The following LRP1B variants were observed in gnomAD, a reference collection of about 807,000 sequenced individuals.
LRP1B encodes the protein low-density lipoprotein receptor-related protein 1B.
Under a neutral mutation model 556.6 loss-of-function variants are expected in LRP1B, and 217 were observed. The observed-to-expected ratio is 0.39, with a 90% CI of 0.35 to 0.44. The LOEUF (loss-of-function observed/expected upper bound fraction) is 0.44. Among genes scored for constraint, LRP1B ranks in the 20% least tolerant of loss-of-function variants. The pLI, the probability that LRP1B is intolerant of heterozygous loss-of-function variation, is 1.00. For synonymous variants in LRP1B, 2,047 were observed against 1,865.8 expected, an observed-to-expected ratio of 1.10 and a Z score of -2.50; for missense variants, 5,053 against 5,620.8, an observed-to-expected ratio of 0.90 and a Z score of 3.23.
At chr2:141,896,407 A>C (rs192085329) in intron 1 of LRP1B, among the ~76,000 whole-genome samples, 1 of 152,188 alleles carries the variant, frequency 6.6e-6, no homozygotes, top group East Asian at 1.9e-4. Context: ...GTGACAAATG[A>C]TGCTGTTTAC....
At chr2:140,456,243 T>C (rs1687102509) in intron 62 of LRP1B, among the ~76,000 whole-genome samples, 1 of 152,158 alleles carries the variant, frequency 6.6e-6, no homozygotes, top group Admixed American at 6.6e-5. Flanking sequence ...TTTCTTTTCT[T>C]TCTCTCTCTT....
chr2:142,014,832 G>T (rs1703070183), intron 1 of LRP1B, among the ~76,000 whole-genome samples: 1 of 152,094 alleles, frequency 6.6e-6, no homozygotes, highest in African/African-American at 2.4e-5. Context: ...TAAATCAGCA[G>T]TCCCCAAAAC....
intron 31 of LRP1B, among the ~76,000 whole-genome samples, chr2:140,814,669 A>G (rs141951496): frequency 6.6e-6 from 1 of 152,300 alleles, no homozygotes; most frequent in African/African-American, 2.4e-5. Context: ...AAATCCAAAA[A>G]TGGAAGATTT....
chr2:141,668,725 T>C (rs1404098252), intron 2 of LRP1B, among the ~76,000 whole-genome samples: 1 of 152,106 alleles, frequency 6.6e-6, no homozygotes, highest in East Asian at 1.9e-4. Context: ...ATGGACAAGG[T>C]CAGGTACCAA....
intron 43 of LRP1B, among the ~76,000 whole-genome samples, chr2:140,586,042 C>T (rs1379510082): frequency 6.6e-6 from 1 of 152,116 alleles, no homozygotes; most frequent in Admixed American, 6.6e-5. Context: ...ATAGATGTTT[C>T]CCTTTTTTTC....
At chr2:140,234,593 C>T in intron 90 of LRP1B, 193 bp downstream of exon 90, 3 of 449,698 alleles carry the variant, frequency 6.7e-6, no homozygotes, top group Non-Finnish European at 7.9e-6. Flanking sequence ...AATGGCTTGC[C>T]TAAAATAATG....
At chr2:140,325,494 C>A (rs954913944) in intron 80 of LRP1B, among the ~76,000 whole-genome samples, 16 of 152,050 alleles carry the variant, frequency 1.1e-4, no homozygotes, top group Non-Finnish European at 2.1e-4. Context: ...ATGGAATAGC[C>A]ACGGAAGCCA....
At position 140,840,929 on chromosome 2, in the gene LRP1B, G is replaced by A. The variant is rs751437552; in HGVS notation, c.5103C>T (p.His1701=). Residue 1701 remains histidine (H), a synonymous_variant, in exon 30 of 91, where the codon CAC becomes CAT. Coordinates refer to ENST00000389484, the MANE Select transcript of LRP1B (RefSeq NM_018557.3). ...AAATCATACTTTACCCCCTGACTGGGTGAGCTGCAAGACACTGTGGCTTAT... is the reference window on the plus strand; with the variant it reads ...AAATCATACTTTACCCCCTGACTGGATGAGCTGCAAGACACTGTGGCTTAT... ...GIDKPQCLAA[H]PVRGKLYWTD... 3.7e-6 allele frequency: 6 copies of A among 1,603,334 alleles called. No individual in the cohort carries two copies. The South Asian group carries it at 6.8e-5, about 18-fold the overall frequency.
intron 1 of LRP1B, among the ~76,000 whole-genome samples, chr2:142,011,618 T>C (rs1002787135): frequency 3.3e-5 from 5 of 152,210 alleles, no homozygotes; most frequent in African/African-American, 9.6e-5. Flanking sequence ...CCTGATGTTG[T>C]GTTCTTAAAA....
intron 2 of LRP1B, among the ~76,000 whole-genome samples, chr2:141,490,368 C>CGTGTGTGTGTGTGTGTG (rs1491339740): frequency 2.4e-5 from 1 of 40,842 alleles, no homozygotes; most frequent in East Asian, 2.4e-3. Flanking sequence ...TTAAAATAGC[C>CGTGTGTGTGTGTGTGTG]TCGTGTGTGT....
At chr2:141,828,540 C>A (rs886431311) in intron 1 of LRP1B, among the ~76,000 whole-genome samples, 1 of 152,076 alleles carries the variant, frequency 6.6e-6, no homozygotes, top group Non-Finnish European at 1.5e-5. Context: ...TATTCTCAAG[C>A]GAGCTGACTC....
Position 140,335,646 on chromosome 2 carries a change from GTT to G in LRP1B, c.12083_12084del (p.Glu4028AlafsTer9). 6.2e-7 allele frequency: 1 copy of G among 1,611,542 alleles called. No individual in the cohort carries two copies. Among genetic ancestry groups the G allele is most frequent in the Non-Finnish European group, 8.5e-7 (1 of 1,178,094 alleles). ...CTRLLTNMAG[E>X]PYAIAVNPKR... ...TTAGGATTTACTGCAATAGCATAGG[GTT>G]CTCCAGCCATATTTGTTAAGAGTCT... On this transcript the variant is annotated frameshift_variant, in exon 78 of 91. Coordinates refer to ENST00000389484, the MANE Select transcript of LRP1B (RefSeq NM_018557.3). LOFTEE classifies it high-confidence loss of function.
intron 10 of LRP1B, 131 bp downstream of exon 10, chr2:141,054,985 A>G: frequency 3.6e-6 from 3 of 843,468 alleles, no homozygotes; most frequent in Non-Finnish European, 3.4e-6. Flanking sequence ...AAAAATGGAC[A>G]GTATATATTT....
At chr2:140,793,221 A>AT (rs1690183581) in intron 32 of LRP1B, among the ~76,000 whole-genome samples, 1 of 151,940 alleles carries the variant, frequency 6.6e-6, no homozygotes, top group South Asian at 2.1e-4. Flanking sequence ...GTATTTTGCC[A>AT]TTTTTTATAA....
At chr2:141,649,666 T>C (rs1381887819) in intron 2 of LRP1B, among the ~76,000 whole-genome samples, 8 of 152,170 alleles carry the variant, frequency 5.3e-5, no homozygotes, top group Non-Finnish European at 7.3e-5. Flanking sequence ...ATACCTCTAA[T>C]TGTGATAAGA....
At chr2:140,456,029 T>C (rs941268773) in intron 62 of LRP1B, among the ~76,000 whole-genome samples, 2 of 152,178 alleles carry the variant, frequency 1.3e-5, no homozygotes, top group African/African-American at 4.8e-5. Flanking sequence ...TTTGATCACA[T>C]GATTTATTTT....
At chr2:140,288,650 T>C (rs941398921) in intron 84 of LRP1B, among the ~76,000 whole-genome samples, 65 of 152,026 alleles carry the variant, frequency 4.3e-4, no homozygotes, top group African/African-American at 1.5e-3. Flanking sequence ...AGGTAATTAT[T>C]TGTGAATCCA....
chr2:141,156,726 T>C (rs1464597779), intron 7 of LRP1B, among the ~76,000 whole-genome samples: 1 of 151,918 alleles, frequency 6.6e-6, no homozygotes, highest in African/African-American at 2.4e-5. Flanking sequence ...TAGATATATA[T>C]AAAAGCAAGA....
chr2:141,801,709 G>A (rs1303466135), intron 2 of LRP1B, among the ~76,000 whole-genome samples: 1 of 152,052 alleles, frequency 6.6e-6, no homozygotes, highest in Admixed American at 6.6e-5. Context: ...TTAAAGGTTT[G>A]TAACTACCTT....
Sources: gnomAD v4.1 joint callset for allele counts (sites outside exome capture counted in the v4.1 genomes callset) on GRCh38, gnomAD v4.1.1 for gene constraint, MANE v1.5 for transcripts, NCBI Gene and HGNC (gene_info 2026-07-23, HGNC 2026-07-21) for gene names.